Variants in C16orf89 observed in about 807,000 individuals in gnomAD.
C16orf89 encodes the protein UPF0764 protein C16orf89.
Under a neutral mutation model 41.5 loss-of-function variants are expected in C16orf89, and 57 were observed. The observed-to-expected ratio is 1.38, with a 90% confidence interval of 1.11 to 1.71. C16orf89 has a LOEUF of 1.71. Ranked by LOEUF, C16orf89 falls within the 40% of genes most tolerant of loss-of-function variation. The pLI is 0.00. For synonymous variants in C16orf89, 223 were observed against 190.6 expected, an observed-to-expected ratio of 1.17 and a Z score of -1.40; for missense variants, 575 against 445.9, an observed-to-expected ratio of 1.29 and a Z score of -2.61.
At chr16:5,044,971 C>T in intron 7 of C16orf89, 1 of 1,172,846 alleles carries the variant, frequency 8.5e-7, no homozygotes. Flanking sequence ...TAAGGGCTCC[C>T]TTCTCTGGGA....
intron 3 of C16orf89, among the ~76,000 whole-genome samples, chr16:5,059,101 G>A (rs1331052285): frequency 6.6e-6 from 1 of 151,944 alleles, no homozygotes; most frequent in African/African-American, 2.4e-5. Flanking sequence ...TTAGCTGGGT[G>A]TGGTGGCACG....
Position 5,044,492 on chromosome 16 carries a change from C to T in C16orf89, c.956-14G>A, listed in dbSNP as rs1447398189. The T allele has an allele frequency of 2.5e-6, 4 of 1,611,124 alleles. No homozygotes were observed. The South Asian group carries it at 3.3e-5, about 13-fold the overall frequency. ...AGGAGCAGCCATCTAGGGGAGAGAG[C>T]CCCCATGAGTGCTGGGTGGCAAGAA... On this transcript the variant is annotated splice_polypyrimidine_tract_variant and intron_variant, in intron 7 of 7. Transcript: ENST00000472572.
intron 6 of C16orf89, among the ~76,000 whole-genome samples, chr16:5,048,250 G>T (rs924178210): frequency 1.3e-5 from 2 of 152,094 alleles, no homozygotes; most frequent in African/African-American, 4.8e-5. Context: ...GCCCAGGCTG[G>T]ACTTGAACTC....
chr16:5,055,967 G>A, intron 5 of C16orf89, 86 bp downstream of exon 5: 2 of 846,908 alleles, frequency 2.4e-6, no homozygotes, highest in African/African-American at 1.7e-5. Context: ...GTGTGTGTGT[G>A]TGTGTGTGTG....
intron 3 of C16orf89, among the ~76,000 whole-genome samples, chr16:5,058,888 C>G (rs951854110): frequency 5.9e-5 from 9 of 152,088 alleles, no homozygotes; most frequent in Non-Finnish European, 1.2e-4. Context: ...TCTTTTCCAG[C>G]CCCGAACAGT....
intron 3 of C16orf89, among the ~76,000 whole-genome samples, chr16:5,059,996 C>G (rs1486275440): frequency 6.6e-6 from 1 of 151,968 alleles, no homozygotes; most frequent in Non-Finnish European, 1.5e-5. Context: ...GGCCTGGAGA[C>G]TTGGAACTGC....
Position 5,065,941 on chromosome 16 carries a change from C to G in C16orf89, c.-33G>C. The G allele has an allele frequency of 6.2e-7, 1 of 1,606,352 alleles. No individual in the cohort carries two copies. Among genetic ancestry groups the G allele is most frequent in the Non-Finnish European group, 8.5e-7 (1 of 1,177,504 alleles). ...CTCTGCTCACTGCTGGTCACACGCT[C>G]AGCACCCTGAGCTCTGGCCAAGCCC... On this transcript the variant is annotated 5_prime_UTR_variant, in exon 1 of 8. Coordinates refer to ENST00000472572, the MANE Select transcript of C16orf89 (RefSeq NM_001098514.3).
rs1191120179 is a variant in C16orf89 at position 5,062,612 on chromosome 16, A to C, written c.209-38T>G. On this transcript the variant is annotated intron_variant, in intron 1 of 7. Coordinates refer to ENST00000472572, the MANE Select transcript of C16orf89 (RefSeq NM_001098514.3). The stretch of plus-strand genomic sequence containing the variant: ...AGAGTTAATTCATTCAACTATTTGG[A>C]ATCGGGACCTTTTTTTGCCTTGGAA... 5 of 1,528,776 alleles carry C rather than the reference A, an allele frequency of 3.3e-6. No homozygotes were observed. In the South Asian group the frequency reaches 6.2e-5, roughly 19 times the overall value. The allele number at this position is 1,528,776 out of a possible 1,614,324, so 94.7% of individuals were successfully genotyped here.
At position 5,055,330 on chromosome 16, in the gene C16orf89, C is replaced by T. The variant is rs748315808; in HGVS notation, c.784G>A (p.Gly262Ser). ...MENIMFCGMG[G>S]FSDFYKLRWL... is the part of the protein sequence containing the mutation. ...CGGAGCTTGTAGAAGTCGGAGAAGC[C>T]GCCCATTCCACAGAACATGACTGGA... The change falls in exon 6 of 8, where the codon GGC becomes AGC. Residue 262 changes from glycine (G) to serine (S), a missense_variant. Physicochemically the swap from Gly to Ser is moderately conservative, Grantham distance 56 (BLOSUM62 0). Transcript: ENST00000472572. 5.6e-6 allele frequency: 9 copies of T among 1,612,106 alleles called. No homozygotes were observed. In the Admixed American group the frequency reaches 6.7e-5, roughly 12 times the overall value.
At chr16:5,057,929 C>T (rs1956543643) in intron 4 of C16orf89, among the ~76,000 whole-genome samples, 2 of 152,024 alleles carry the variant, frequency 1.3e-5, no homozygotes, top group Admixed American at 1.3e-4. Flanking sequence ...CAGTCCAGTT[C>T]AGCAGGCAAA....
At chr16:5,050,402 A>C (rs1212475482) in intron 6 of C16orf89, among the ~76,000 whole-genome samples, 1 of 152,078 alleles carries the variant, frequency 6.6e-6, no homozygotes, top group African/African-American at 2.4e-5. Context: ...GAAATGGATA[A>C]ATTGCTGGAC....
At chr16:5,052,213 C>A (rs1360912217) in intron 6 of C16orf89, among the ~76,000 whole-genome samples, 1 of 151,924 alleles carries the variant, frequency 6.6e-6, no homozygotes, top group Non-Finnish European at 1.5e-5. Flanking sequence ...GAAAAACGCT[C>A]ACTATCCCTA....
intron 5 of C16orf89, 93 bp downstream of exon 5, chr16:5,055,938 CGTGTGTGTGTGTGTGTGTGTGT>C (rs531301214): frequency 0.013 from 11,539 of 907,156 alleles, 53 homozygotes; most frequent in African/African-American, 0.026. Context: ...CTGGCAACTC[CGTGTGTGTGTGTGTGTGTGTGT>C]GTGTGTGTGT....
chr16:5,049,602 C>T lies in C16orf89; in HGVS notation c.869-1638G>A, dbSNP rs1377464964. ...AATTAAACAACATGTTCCTGAATGACCAATGAGCAAATGAAGAAATTAAGA... is the reference window on the plus strand; with the variant it reads ...AATTAAACAACATGTTCCTGAATGATCAATGAGCAAATGAAGAAATTAAGA... On this transcript the variant is annotated intron_variant, in intron 6 of 7. Coordinates refer to ENST00000472572, the MANE Select transcript of C16orf89 (RefSeq NM_001098514.3). Among the ~76,000 whole-genome samples the T allele has an allele frequency of 2.6e-5, 4 of 152,064 alleles. No individual in the cohort carries two copies. The South Asian group carries it at 8.3e-4, about 32-fold the overall frequency.
At chr16:5,047,660 G>A (rs1956323588) in intron 7 of C16orf89, among the ~76,000 whole-genome samples, 1 of 152,000 alleles carries the variant, frequency 6.6e-6, no homozygotes, top group Non-Finnish European at 1.5e-5. Context: ...TAGAGACAGG[G>A]TTTTGTTATG....
intron 6 of C16orf89, among the ~76,000 whole-genome samples, chr16:5,049,069 A>G (rs1567151235): frequency 6.6e-6 from 1 of 152,248 alleles, no homozygotes; most frequent in African/African-American, 2.4e-5. Flanking sequence ...AGGAGTAGCT[A>G]TACTTAGATA....
chr16:5,048,031 T>C, intron 6 of C16orf89, 67 bp from the exon 7 acceptor site: 1 of 879,134 alleles, frequency 1.1e-6, no homozygotes, highest in Non-Finnish European at 1.8e-6. Flanking sequence ...TATTTCTTTT[T>C]ACTGCTTTTA....
rs1379081042 is a variant in C16orf89 at position 5,059,563 on chromosome 16, T to A, written c.509+723A>T. On this transcript the variant is annotated intron_variant, in intron 3 of 7. Coordinates refer to ENST00000472572, the MANE Select transcript of C16orf89 (RefSeq NM_001098514.3). The stretch of plus-strand genomic sequence containing the variant: ...TCCAGCTGTGTCCTGGCCTAAGCAC[T>A]GCTCTGAAGGATGCTGACAGGATGC... Among the ~76,000 whole-genome samples the A allele has an allele frequency of 2.6e-5, 4 of 152,170 alleles. No individual in the cohort carries two copies. The East Asian group carries it at 5.9e-4, about 22-fold the overall frequency.
chr16:5,044,293 T>A lies in C16orf89; in HGVS notation c.*55A>T. On this transcript the variant is annotated 3_prime_UTR_variant, in exon 8 of 8. Transcript: ENST00000472572. ...TCCGTGCCCTCCAGGATCTAAGGGA[T>A]GAGGACTAAAGGGGTCTGTTCCTCC... 6.6e-7 allele frequency: 1 copy of A among 1,517,748 alleles called. No homozygotes were observed. The highest frequency in any genetic ancestry group is 1.3e-5 in the South Asian group (1 of 75,990). 94.0% of individuals were successfully genotyped at this position (1,517,748 alleles called of 1,614,324 possible).
Sources: allele counts gnomAD v4.1 joint callset (sites outside exome capture counted in the v4.1 genomes callset), GRCh38; gene constraint gnomAD v4.1.1; transcripts MANE v1.5; gene names NCBI Gene and HGNC (gene_info 2026-07-23, HGNC 2026-07-21).